SGCD: variants seen among roughly 807,000 people sequenced by gnomAD.
The protein encoded by SGCD is sarcoglycan delta.
Under a neutral mutation model 36.6 loss-of-function variants are expected in SGCD, and 18 were observed. That is an observed-to-expected ratio of 0.49 (90% confidence interval 0.34 to 0.73). The LOEUF (loss-of-function observed/expected upper bound fraction) is 0.73, where lower values mean the gene tolerates loss of function less well. Ranked by LOEUF, SGCD falls within the 30% of genes least tolerant of loss-of-function variation. The pLI, the probability that SGCD is intolerant of heterozygous loss-of-function variation, is 0.01. For missense variants in SGCD, 387 were observed against 346.7 expected, an observed-to-expected ratio of 1.12 and a Z score of -0.92; for synonymous variants, 133 against 130.6, an observed-to-expected ratio of 1.02 and a Z score of -0.12.
chr5:156,379,792 C>G (rs1217969588), intron 3 of SGCD, among the ~76,000 whole-genome samples: 1 of 152,096 alleles, frequency 6.6e-6, no homozygotes, highest in Non-Finnish European at 1.5e-5. Context: ...GTAGAATTTT[C>G]TGCTGGATAG....
chr5:156,541,645 A>T (rs189744905), intron 4 of SGCD, among the ~76,000 whole-genome samples: 52 of 152,268 alleles, frequency 3.4e-4, no homozygotes, highest in Middle Eastern at 6.8e-3. Context: ...GGGGCGCATC[A>T]TAAGAAGAAA....
intron 3 of SGCD, among the ~76,000 whole-genome samples, chr5:156,405,035 C>G (rs10062440): frequency 6.6e-6 from 1 of 151,904 alleles, no homozygotes. Context: ...GAGTCACCAG[C>G]CTAATCACAT....
chr5:156,632,719 G>A (rs536924466), intron 6 of SGCD, among the ~76,000 whole-genome samples: 1 of 152,278 alleles, frequency 6.6e-6, no homozygotes, highest in Admixed American at 6.5e-5. Flanking sequence ...GGTTTCAGAG[G>A]CCTTCATTCA....
intron 1 of SGCD, among the ~76,000 whole-genome samples, chr5:155,927,154 T>C (rs1407308135): frequency 6.6e-6 from 1 of 152,230 alleles, no homozygotes; most frequent in Non-Finnish European, 1.5e-5. Flanking sequence ...ATAGAAATGT[T>C]ATAGTATCCA....
In SGCD at chr5:156,215,912, C is replaced by T. The variant is rs114636672; in HGVS notation, c.-44+91893C>T. On this transcript the variant is annotated intron_variant, in intron 3 of 9. Coordinates refer to the SGCD transcript ENST00000517913. Reference sequence around the variant, plus strand: ...ATGGTCATTGTAGTATTATTCACAACAGCCTGACAGGAAATCAAACAAAGT... The same window carrying T: ...ATGGTCATTGTAGTATTATTCACAATAGCCTGACAGGAAATCAAACAAAGT... 5.9e-3 allele frequency among the ~76,000 whole-genome samples: 896 copies of T among 152,250 alleles called. 10 individuals carry two copies. Among genetic ancestry groups the T allele is most frequent in the African/African-American group, 0.021 (864 of 41,538 alleles).
chr5:156,465,404 T>C (rs140351313), intron 3 of SGCD, among the ~76,000 whole-genome samples: 90 of 152,262 alleles, frequency 5.9e-4, no homozygotes, highest in Admixed American at 1.9e-3. Flanking sequence ...CTTGTTAACT[T>C]TGGGAAAATA....
intron 1 of SGCD, among the ~76,000 whole-genome samples, chr5:155,936,480 C>G (rs114415654): frequency 0.014 from 2,089 of 152,252 alleles, 45 homozygotes; most frequent in African/African-American, 0.041. Flanking sequence ...CCTTTTAGCT[C>G]TCAGCAGAGA....
intron 3 of SGCD, among the ~76,000 whole-genome samples, chr5:156,422,605 G>A (rs956241788): frequency 6.6e-6 from 1 of 152,000 alleles, no homozygotes; most frequent in Admixed American, 6.6e-5. Context: ...ATTCATGAAT[G>A]TCATGGTATA....
chr5:155,933,039 T>C (rs1057041480), intron 1 of SGCD, among the ~76,000 whole-genome samples: 1 of 152,240 alleles, frequency 6.6e-6, no homozygotes, highest in African/African-American at 2.4e-5. Context: ...AGAGGGTTAG[T>C]ATGTTGCTTT....
At chr5:156,395,116 G>A (rs372357565) in intron 3 of SGCD, among the ~76,000 whole-genome samples, 2 of 152,344 alleles carry the variant, frequency 1.3e-5, no homozygotes, top group East Asian at 3.9e-4. Flanking sequence ...GGAGAAGCAA[G>A]GGCTATTTAT....
At chr5:156,564,497 C>T (rs1193087177) in intron 4 of SGCD, among the ~76,000 whole-genome samples, 1 of 152,142 alleles carries the variant, frequency 6.6e-6, no homozygotes, top group South Asian at 2.1e-4. Flanking sequence ...GTAAATTATA[C>T]ATAATGTAAA....
the SGCD span, among the ~76,000 whole-genome samples, chr5:155,745,660 A>G: frequency 1.3e-5 from 2 of 152,134 alleles, no homozygotes; most frequent in Non-Finnish European, 2.9e-5. Flanking sequence ...AATATATAAA[A>G]AGCTACTACA....
At chr5:156,514,077 A>C in intron 4 of SGCD, among the ~76,000 whole-genome samples, 1 of 152,202 alleles carries the variant, frequency 6.6e-6, no homozygotes, top group East Asian at 1.9e-4. Context: ...TTAATTGCTA[A>C]GTATAACTGC....
intron 1 of SGCD, among the ~76,000 whole-genome samples, chr5:155,948,425 G>T (rs1052186959): frequency 1.3e-5 from 2 of 152,118 alleles, no homozygotes; most frequent in African/African-American, 2.4e-5. Flanking sequence ...ATCTCCTGTT[G>T]CCCATGTTTA....
chr5:156,637,077 A>G (rs2113551337), intron 6 of SGCD, among the ~76,000 whole-genome samples: 1 of 152,182 alleles, frequency 6.6e-6, no homozygotes, highest in Non-Finnish European at 1.5e-5. Flanking sequence ...GGGGGAGGTA[A>G]TTGAATCATG....
intron 7 of SGCD, among the ~76,000 whole-genome samples, chr5:156,654,311 T>G (rs1007803679): frequency 2.6e-5 from 4 of 152,114 alleles, no homozygotes; most frequent in Admixed American, 2.6e-4. Flanking sequence ...AGAAAGTTTG[T>G]TGGGCCTGCA....
chr5:156,125,854 A>G (rs1581114574), intron 3 of SGCD, among the ~76,000 whole-genome samples: 1 of 143,286 alleles, frequency 7.0e-6, no homozygotes, highest in Non-Finnish European at 1.5e-5. Context: ...TATTATTATT[A>G]TTATTATTAT....
chr5:156,673,743 C>T (rs1753398857), intron 7 of SGCD, among the ~76,000 whole-genome samples: 1 of 152,218 alleles, frequency 6.6e-6, no homozygotes, highest in Admixed American at 6.5e-5. Flanking sequence ...AGTCACTTCA[C>T]ACTTCGTGGC....
intron 6 of SGCD, among the ~76,000 whole-genome samples, chr5:156,595,564 A>T (rs7714176): frequency 0.26 from 39,651 of 152,046 alleles, 5,230 homozygotes; most frequent in East Asian, 0.31. Flanking sequence ...CCTAGTGGAA[A>T]TTTCTCAAGC....
Sources: allele counts gnomAD v4.1 joint callset (sites outside exome capture counted in the v4.1 genomes callset), GRCh38; gene constraint gnomAD v4.1.1; transcripts MANE v1.5; gene names NCBI Gene and HGNC (gene_info 2026-07-23, HGNC 2026-07-21).